CACNA1B: variants seen among roughly 807,000 people sequenced by gnomAD.
CACNA1B encodes the protein calcium voltage-gated channel subunit alpha1 B, also known as voltage-dependent N-type calcium channel subunit alpha-1B.
Under a neutral mutation model 247.2 loss-of-function variants are expected in CACNA1B, and 70 were observed. That is an observed-to-expected ratio of 0.28 (90% CI 0.23 to 0.35). CACNA1B has a LOEUF of 0.35. Among genes scored for constraint, CACNA1B ranks in the 10% least tolerant of loss-of-function variants. The pLI is 1.00. For missense variants in CACNA1B, 2,367 were observed against 3,197.4 expected (o/e 0.74, Z 6.26); for synonymous variants, 1,231 against 1,294.4 (o/e 0.95, Z 1.05).
chr9:138,008,505 G>A (rs1382404667), intron 16 of CACNA1B, among the ~76,000 whole-genome samples: 1 of 152,222 alleles, frequency 6.6e-6, no homozygotes, highest in Non-Finnish European at 1.5e-5. Context: ...CTGGAGCTCT[G>A]CGTGGACTCA....
Position 138,057,687 on chromosome 9 carries a change from G to C in CACNA1B, c.3969-45G>C, listed in dbSNP as rs199506536. 361 of 1,572,208 alleles carry C rather than the reference G, an allele frequency of 2.3e-4. 1 individual carries two copies. Among genetic ancestry groups the C allele is most frequent in the Non-Finnish European group, 3.1e-4 (352 of 1,150,042 alleles). On this transcript the variant is annotated intron_variant, in intron 26 of 46. Transcript: ENST00000371372. The surrounding 1 kb of genome is among the most constrained non-coding windows in gnomAD (Gnocchi z 4.0). ...CACTCTTGATAGGTGGGTTTATTTG[G>C]ATCTTTTGTCTTTGCCCTCTAACCT... is the stretch of plus-strand genomic sequence containing the variant.
intron 36 of CACNA1B, among the ~76,000 whole-genome samples, chr9:138,084,665 G>T (rs1304880987): frequency 6.6e-6 from 1 of 151,196 alleles, no homozygotes; most frequent in African/African-American, 2.4e-5. Context: ...AAAAAGCAAG[G>T]AAATCACCAG....
chr9:138,102,881 A>T lies in CACNA1B; in HGVS notation c.5319+74A>T. On this transcript the variant is annotated intron_variant, in intron 38 of 46. Coordinates refer to ENST00000371372, the MANE Select transcript of CACNA1B (RefSeq NM_000718.4). This position sits in a 1 kb window ranked among gnomAD's most constrained non-coding sequence, Gnocchi z 5.4. ...CTGAGGGGTGCTTGCTGGCTCTCCC[A>T]GCTCCTCTCCCTTTCAGGGTGCCCG... 1 of 893,064 alleles carries T rather than the reference A, an allele frequency of 1.1e-6. No individual in the cohort carries two copies. Among genetic ancestry groups the T allele is most frequent in the Non-Finnish European group, 1.8e-6 (1 of 569,890 alleles). 55.3% of individuals were successfully genotyped at this position (893,064 alleles called of 1,614,324 possible).
chr9:137,900,126 C>T (rs1053042762), intron 3 of CACNA1B, among the ~76,000 whole-genome samples: 1 of 152,204 alleles, frequency 6.6e-6, no homozygotes, highest in African/African-American at 2.4e-5. Flanking sequence ...TAGACCAGGC[C>T]TGACTGGGGT....
intron 42 of CACNA1B, among the ~76,000 whole-genome samples, chr9:138,116,018 C>T (rs528486198): frequency 1.3e-5 from 2 of 152,360 alleles, no homozygotes; most frequent in South Asian, 2.1e-4. Context: ...TGACATTAGA[C>T]AGGTGCTTCA....
At position 138,046,906 on chromosome 9, in the gene CACNA1B, T is replaced by C; in HGVS notation, c.3416T>C (p.Leu1139Pro). 6.2e-7 allele frequency: 1 copy of C among 1,613,374 alleles called. No homozygotes were observed. Among genetic ancestry groups the C allele is most frequent in the Non-Finnish European group, 8.5e-7 (1 of 1,179,454 alleles). Reference protein sequence around the residue: ...SMFCLSPTNLLRRFCHYIVTM... With the variant: ...SMFCLSPTNLPRRFCHYIVTM... ...GTGATCCGTGCCTTCCCTCACAGGCTCCGCCGCTTCTGCCACTACATCGTG... is the reference window on the plus strand; with the variant it reads ...GTGATCCGTGCCTTCCCTCACAGGCCCCGCCGCTTCTGCCACTACATCGTG... The change falls in exon 22 of 47, where the codon CTC becomes CCC. Residue 1139 changes from leucine (L) to proline (P), a missense_variant and splice_region_variant. Transcript: ENST00000371372.
At chr9:137,884,459 T>C (rs535073417) in intron 3 of CACNA1B, among the ~76,000 whole-genome samples, 1 of 144,648 alleles carries the variant, frequency 6.9e-6, no homozygotes, top group African/African-American at 2.6e-5. Flanking sequence ...GAGTGTGGCC[T>C]CTCAGAGGAC....
intron 15 of CACNA1B, among the ~76,000 whole-genome samples, chr9:138,005,012 A>G (rs752109844): frequency 6.6e-6 from 1 of 152,234 alleles, no homozygotes; most frequent in African/African-American, 2.4e-5. Flanking sequence ...GAGAGAAGGG[A>G]ACTCTCTCAC....
In CACNA1B at chr9:138,059,238, T is replaced by C. The variant is rs1376302690; in HGVS notation, c.4584+49T>C. The C allele has an allele frequency of 8.8e-7, 1 of 1,133,502 alleles. No homozygotes were observed. The highest frequency in any genetic ancestry group is 1.3e-6 in the Non-Finnish European group (1 of 753,270). The allele number at this position is 1,133,502 out of a possible 1,614,324, so 70.2% of individuals were successfully genotyped here. ...GCCTTTTGACAACCTATATTCTGGT[T>C]CCCCATCTGTAGGGCGACCTTTGGG... On this transcript the variant is annotated intron_variant, in intron 30 of 46. Transcript: ENST00000371372. This position sits in a 1 kb window ranked among gnomAD's most constrained non-coding sequence, Gnocchi z 4.2.
rs557473979 is a variant in CACNA1B at position 137,898,725 on chromosome 9, A to G, written c.531-14455A>G. Among the ~76,000 whole-genome samples, 839 of 149,578 alleles carry G rather than the reference A, an allele frequency of 5.6e-3. 11 individuals carry two copies. Among genetic ancestry groups the G allele is most frequent in the Non-Finnish European group, 4.9e-3 (328 of 67,598 alleles). The stretch of plus-strand genomic sequence containing the variant: ...GAGATGGAGTCTCCCTCTGTCACCC[A>G]GGCTGGAGTGCAGTGGCACGATCTC... On this transcript the variant is annotated intron_variant, in intron 3 of 46. Coordinates refer to ENST00000371372, the MANE Select transcript of CACNA1B (RefSeq NM_000718.4).
At chr9:137,983,454 G>A (rs1342869160) in intron 12 of CACNA1B, among the ~76,000 whole-genome samples, 3 of 152,122 alleles carry the variant, frequency 2.0e-5, no homozygotes, top group South Asian at 2.1e-4. Flanking sequence ...TGACCAGGAC[G>A]GCCCTCCTCA....
intron 20 of CACNA1B, among the ~76,000 whole-genome samples, chr9:138,035,767 A>C (rs1362600070): frequency 6.6e-6 from 1 of 152,070 alleles, no homozygotes; most frequent in East Asian, 1.9e-4. Flanking sequence ...GTGTATGTGT[A>C]CTGTAATATT....
intron 6 of CACNA1B, among the ~76,000 whole-genome samples, chr9:137,939,963 C>T (rs988556796): frequency 2.0e-5 from 3 of 151,910 alleles, no homozygotes; most frequent in Non-Finnish European, 2.9e-5. Flanking sequence ...ATACCTACAT[C>T]GAAAAGTCTG....
chr9:137,908,431 G>T (rs944059633), intron 3 of CACNA1B, among the ~76,000 whole-genome samples: 3 of 151,694 alleles, frequency 2.0e-5, no homozygotes, highest in Non-Finnish European at 4.4e-5. Flanking sequence ...CAGGAGAATC[G>T]CTTGAACCCA....
rs58086432 is a variant in CACNA1B at position 138,006,510 on chromosome 9, A to G, written c.1975-257A>G. Among the ~76,000 whole-genome samples, 44 of 152,066 alleles carry G rather than the reference A, an allele frequency of 2.9e-4. No individual in the cohort carries two copies. The East Asian group carries it at 6.2e-3, about 21-fold the overall frequency. On this transcript the variant is annotated intron_variant, in intron 15 of 46. Coordinates refer to ENST00000371372, the MANE Select transcript of CACNA1B (RefSeq NM_000718.4). ...TTCTCCTGTTGGGAGCTCCCTTTTC[A>G]TTTCTGGCTGAAAACCTAGAGTATG...
intron 37 of CACNA1B, among the ~76,000 whole-genome samples, chr9:138,099,673 C>CCTGTGTGGGTGTGCATGTGT (rs1961187597): frequency 7.5e-6 from 1 of 132,558 alleles, no homozygotes; most frequent in Non-Finnish European, 1.6e-5. Flanking sequence ...TGCGCATGTG[C>CCTGTGTGGGTGTGCATGTGT]CTGTGTGGGT....
At chr9:137,972,632 C>T (rs144369731) in intron 11 of CACNA1B, among the ~76,000 whole-genome samples, 66 of 152,236 alleles carry the variant, frequency 4.3e-4, no homozygotes, top group Non-Finnish European at 7.6e-4. Flanking sequence ...TGTGAGGGTT[C>T]CCTGAGCTGC....
In CACNA1B at chr9:137,919,476, C is replaced by T. The variant is rs922413547; in HGVS notation, c.966+2045C>T. Among the ~76,000 whole-genome samples, 17 of 152,314 alleles carry T rather than the reference C, an allele frequency of 1.1e-4. No homozygotes were observed. The highest frequency in any genetic ancestry group is 9.8e-4 in the Admixed American group (15 of 15,304). On this transcript the variant is annotated intron_variant, in intron 6 of 46. Coordinates refer to ENST00000371372, the MANE Select transcript of CACNA1B (RefSeq NM_000718.4). The surrounding 1 kb of genome is among the most constrained non-coding windows in gnomAD (Gnocchi z 4.6). ...GCCTGGGGCTGGCGCCACACAAGGC[C>T]CCAGAGCAGGTAGCCAAGAACCGAC...
chr9:138,000,351 G>A (rs1036249372), intron 15 of CACNA1B, among the ~76,000 whole-genome samples: 1 of 152,130 alleles, frequency 6.6e-6, no homozygotes, highest in Non-Finnish European at 1.5e-5. Flanking sequence ...GCCCGCCTTG[G>A]CCTCCCAAAG....
Sources: allele counts gnomAD v4.1 joint callset (sites outside exome capture counted in the v4.1 genomes callset), GRCh38; gene constraint gnomAD v4.1.1; non-coding constraint Gnocchi (gnomAD v3.1); transcripts MANE v1.5; gene names NCBI Gene and HGNC (gene_info 2026-07-23, HGNC 2026-07-21).